The following LRRC8D variants were observed in gnomAD, a reference collection of about 807,000 sequenced individuals.
The protein encoded by LRRC8D is leucine rich repeat containing 8 VRAC subunit D.
In LRRC8D, 20 loss-of-function variants were observed where a neutral mutation model predicts 55.8. That is an observed-to-expected ratio of 0.36 (90% CI 0.25 to 0.52). The LOEUF is 0.52. LRRC8D is among the 20% of genes least tolerant of loss of function. The pLI is 0.93. For synonymous variants in LRRC8D, 352 were observed against 377.0 expected (o/e 0.93, Z 0.77); for missense variants, 651 against 1,030.8 (o/e 0.63, Z 5.05).
intron 2 of LRRC8D, among the ~76,000 whole-genome samples, chr1:89,914,372 G>A (rs1663206637): frequency 6.6e-6 from 1 of 152,180 alleles, no homozygotes; most frequent in Non-Finnish European, 1.5e-5. Context: ...TGAGGGAGTG[G>A]GCTCCAGCCT....
At chr1:89,928,260 G>A (rs182556279) in intron 2 of LRRC8D, among the ~76,000 whole-genome samples, 3 of 152,128 alleles carry the variant, frequency 2.0e-5, no homozygotes, top group Admixed American at 6.5e-5. Flanking sequence ...TGGTGGAGAC[G>A]GGGTTTCACC....
intron 2 of LRRC8D, among the ~76,000 whole-genome samples, chr1:89,882,770 G>T (rs1662317127): frequency 6.6e-6 from 1 of 152,186 alleles, no homozygotes; most frequent in South Asian, 2.1e-4. Context: ...ATAGAGAGTA[G>T]TTCTTTTAGA....
In LRRC8D at chr1:89,917,718, A is replaced by G. The variant is rs74436688; in HGVS notation, c.-2-15349A>G. ...TACCATGCAAGCAGGGGAAGGTCCAAGCTTCCTGGGATCTGAAATTTTTGT... is the reference window on the plus strand; with the variant it reads ...TACCATGCAAGCAGGGGAAGGTCCAGGCTTCCTGGGATCTGAAATTTTTGT... On this transcript the variant is annotated intron_variant, in intron 2 of 2. Coordinates refer to ENST00000337338, the MANE Select transcript of LRRC8D (RefSeq NM_001134479.2). 3.2e-3 allele frequency among the ~76,000 whole-genome samples: 494 copies of G among 152,254 alleles called. 1 individual carries two copies. Among genetic ancestry groups the G allele is most frequent in the African/African-American group, 0.011 (477 of 41,558 alleles).
intron 2 of LRRC8D, among the ~76,000 whole-genome samples, chr1:89,891,991 C>T (rs955883897): frequency 3.3e-5 from 5 of 152,188 alleles, no homozygotes; most frequent in African/African-American, 1.2e-4. Flanking sequence ...TGTATAATGT[C>T]CATCACATCA....
intron 2 of LRRC8D, among the ~76,000 whole-genome samples, chr1:89,861,127 C>T (rs1196957759): frequency 6.6e-6 from 1 of 152,052 alleles, no homozygotes; most frequent in African/African-American, 2.4e-5. Flanking sequence ...TTTGAAACTT[C>T]ATGGGAGGGT....
chr1:89,826,136 T>A (rs777545058), intron 1 of LRRC8D, among the ~76,000 whole-genome samples: 2 of 152,256 alleles, frequency 1.3e-5, no homozygotes, highest in African/African-American at 2.4e-5. Context: ...AGTGTTGCTG[T>A]CCTTTTATAT....
At chr1:89,906,630 C>G (rs1056956150) in intron 2 of LRRC8D, among the ~76,000 whole-genome samples, 1 of 152,086 alleles carries the variant, frequency 6.6e-6, no homozygotes, top group Admixed American at 6.5e-5. Flanking sequence ...CAGTTGTCAC[C>G]CAGGACCCAA....
At chr1:89,884,171 C>G (rs1340175707) in intron 2 of LRRC8D, among the ~76,000 whole-genome samples, 1 of 152,152 alleles carries the variant, frequency 6.6e-6, no homozygotes, top group Non-Finnish European at 1.5e-5. Flanking sequence ...TGCAGATGGG[C>G]CTTTCTGCAA....
intron 2 of LRRC8D, among the ~76,000 whole-genome samples, chr1:89,886,337 A>C (rs1006105437): frequency 1.3e-5 from 2 of 152,200 alleles, no homozygotes; most frequent in Non-Finnish European, 2.9e-5. Flanking sequence ...GATGGAAGTT[A>C]CATTTAGGAT....
chr1:89,896,786 CTT>C (rs1013509579), intron 2 of LRRC8D, among the ~76,000 whole-genome samples: 1 of 152,196 alleles, frequency 6.6e-6, no homozygotes, highest in Admixed American at 6.5e-5. Context: ...TGTCTCCTCT[CTT>C]TTCTTGTGAA....
chr1:89,883,921 C>G (rs1464218481), intron 2 of LRRC8D, among the ~76,000 whole-genome samples: 1 of 152,184 alleles, frequency 6.6e-6, no homozygotes, highest in East Asian at 1.9e-4. Flanking sequence ...AAAACCCAAA[C>G]AAACACCCAC....
intron 2 of LRRC8D, among the ~76,000 whole-genome samples, chr1:89,879,073 C>T (rs1348654667): frequency 3.9e-5 from 6 of 152,230 alleles, no homozygotes; most frequent in South Asian, 2.1e-4. Flanking sequence ...TGTGCACATC[C>T]GTGCACCCCC....
intron 1 of LRRC8D, among the ~76,000 whole-genome samples, chr1:89,826,360 G>A (rs1557438360): frequency 6.6e-6 from 1 of 152,026 alleles, no homozygotes; most frequent in Non-Finnish European, 1.5e-5. Flanking sequence ...CGCCTCCCGG[G>A]TTCACGCCAT....
chr1:89,842,716 C>T (rs1481622606), intron 1 of LRRC8D, among the ~76,000 whole-genome samples: 5 of 152,216 alleles, frequency 3.3e-5, no homozygotes, highest in Non-Finnish European at 7.3e-5. Flanking sequence ...ACAGCAGATT[C>T]TTAAGCCATC....
intron 1 of LRRC8D, among the ~76,000 whole-genome samples, 151 bp downstream of exon 1, chr1:89,821,442 G>T (rs1271845926): frequency 6.6e-6 from 1 of 152,156 alleles, no homozygotes. Context: ...GGACGTCCGG[G>T]GGTCGGGAGG....
chr1:89,906,518 C>G (rs1361671021), intron 2 of LRRC8D, among the ~76,000 whole-genome samples: 1 of 152,294 alleles, frequency 6.6e-6, no homozygotes, highest in East Asian at 1.9e-4. Context: ...TTCTAAAGAA[C>G]AAGATTTTGT....
intron 2 of LRRC8D, among the ~76,000 whole-genome samples, chr1:89,929,258 G>T (rs538978520): frequency 7.2e-5 from 11 of 152,188 alleles, no homozygotes; most frequent in Non-Finnish European, 1.2e-4. Flanking sequence ...AAGGCTTTCT[G>T]GAAAAGGCTG....
chr1:89,900,202 A>G, intron 2 of LRRC8D, among the ~76,000 whole-genome samples: 1 of 152,234 alleles, frequency 6.6e-6, no homozygotes, highest in Non-Finnish European at 1.5e-5. Context: ...TTAACAAGGT[A>G]AATTGGAGAA....
chr1:89,835,115 G>A (rs1660975010), intron 1 of LRRC8D, among the ~76,000 whole-genome samples: 1 of 152,220 alleles, frequency 6.6e-6, no homozygotes, highest in Non-Finnish European at 1.5e-5. Context: ...TTTCCTAAAT[G>A]TGCAGATTCC....
Sources: allele counts gnomAD v4.1 joint callset (sites outside exome capture counted in the v4.1 genomes callset), GRCh38; gene constraint gnomAD v4.1.1; transcripts MANE v1.5; gene names NCBI Gene and HGNC (gene_info 2026-07-23, HGNC 2026-07-21).